AAK1: variants seen among roughly 807,000 people sequenced by gnomAD.
AAK1 encodes AP2-associated protein kinase 1.
AAK1 carries 37 observed loss-of-function variants against 116.0 expected under a neutral mutation model. The ratio of observed to expected loss-of-function variants is 0.32; its 90% CI spans 0.25 to 0.42. The LOEUF (loss-of-function observed/expected upper bound fraction) is 0.42, where lower values mean the gene tolerates loss of function less well. Ranked by LOEUF, AAK1 falls within the 10% of genes least tolerant of loss-of-function variation. The pLI, the probability that AAK1 is intolerant of heterozygous loss-of-function variation, is 1.00. For missense variants in AAK1, 919 were observed against 1,170.6 expected, an observed-to-expected ratio of 0.79 and a Z score of 3.14; for synonymous variants, 458 against 439.9, an observed-to-expected ratio of 1.04 and a Z score of -0.51.
At chr2:69,484,204 T>C (rs1248977292) in intron 17 of AAK1, among the ~76,000 whole-genome samples, 1 of 152,236 alleles carries the variant, frequency 6.6e-6, no homozygotes, top group Non-Finnish European at 1.5e-5. Flanking sequence ...TAAATCTGTA[T>C]TCTTCTAGGC....
chr2:69,509,497 T>C (rs751374891), intron 13 of AAK1, 37 bp from the exon 14 acceptor site: 5 of 1,389,036 alleles, frequency 3.6e-6, no homozygotes, highest in Non-Finnish European at 2.9e-6. Flanking sequence ...TTCATTAAAT[T>C]AAAAAAAAAA....
At chr2:69,495,936 G>A (rs1162711067) in intron 17 of AAK1, 49 bp downstream of exon 17, 22 of 1,465,488 alleles carry the variant, frequency 1.5e-5, no homozygotes, top group Non-Finnish European at 2.0e-5. Context: ...ACAAGGCCTG[G>A]GACATGCAAA....
Position 69,469,522 on chromosome 2 carries a change from G to A in AAK1, c.*6347C>T. 1.0e-6 allele frequency: 1 copy of A among 985,396 alleles called. No individual in the cohort carries two copies. The highest frequency in any genetic ancestry group is 1.2e-6 in the Non-Finnish European group (1 of 829,928). The allele number at this position is 985,396 out of a possible 1,614,324, so 61.0% of individuals were successfully genotyped here. Reference sequence around the variant, plus strand: ...AGCAGTCTCTTTACTAGCATTGAAGGATTTATACTAACCTAACCACATGCC... The same window carrying A: ...AGCAGTCTCTTTACTAGCATTGAAGAATTTATACTAACCTAACCACATGCC... On this transcript the variant is annotated 3_prime_UTR_variant, in exon 22 of 22. Coordinates refer to ENST00000409085, the MANE Select transcript of AAK1 (RefSeq NM_014911.5).
intron 2 of AAK1, among the ~76,000 whole-genome samples, chr2:69,638,556 C>T (rs1675551831): frequency 6.6e-6 from 1 of 152,214 alleles, no homozygotes; most frequent in South Asian, 2.1e-4. Flanking sequence ...TAAAGAATTT[C>T]ATTCTACCAC....
intron 2 of AAK1, among the ~76,000 whole-genome samples, chr2:69,624,974 T>C (rs1014925943): frequency 6.6e-6 from 1 of 152,234 alleles, no homozygotes; most frequent in Admixed American, 6.5e-5. Context: ...GTTAAGTCCC[T>C]GAGCATTGCT....
intron 2 of AAK1, among the ~76,000 whole-genome samples, chr2:69,620,975 T>A (rs1426373554): frequency 6.6e-6 from 1 of 152,228 alleles, no homozygotes; most frequent in East Asian, 1.9e-4. Context: ...TGAAATAAAA[T>A]TTTTAAAAAG....
At chr2:69,595,342 A>C (rs938394793) in intron 2 of AAK1, among the ~76,000 whole-genome samples, 4 of 152,142 alleles carry the variant, frequency 2.6e-5, no homozygotes, top group African/African-American at 9.7e-5. Flanking sequence ...TCTCGAACTC[A>C]TGACCTCAAG....
chr2:69,560,271 C>T (rs1177926125), intron 2 of AAK1, among the ~76,000 whole-genome samples: 2 of 152,210 alleles, frequency 1.3e-5, no homozygotes, highest in Non-Finnish European at 2.9e-5. Flanking sequence ...TTCTCGTGCA[C>T]AGCCCTGTCT....
chr2:69,595,556 T>A (rs763162992), intron 2 of AAK1, among the ~76,000 whole-genome samples: 1 of 152,210 alleles, frequency 6.6e-6, no homozygotes, highest in African/African-American at 2.4e-5. Flanking sequence ...CTCAATTCTA[T>A]GAAGGCTGGG....
intron 3 of AAK1, among the ~76,000 whole-genome samples, chr2:69,546,882 CA>C (rs1330881023): frequency 1.3e-5 from 2 of 152,080 alleles, no homozygotes; most frequent in Non-Finnish European, 2.9e-5. Flanking sequence ...CTTGCTCCAG[CA>C]CATAAATCAA....
intron 2 of AAK1, among the ~76,000 whole-genome samples, chr2:69,639,769 C>G (rs1675619716): frequency 6.6e-6 from 1 of 152,160 alleles, no homozygotes; most frequent in Non-Finnish European, 1.5e-5. Context: ...TCTGGGCACA[C>G]AGGGTACAAC....
intron 3 of AAK1, among the ~76,000 whole-genome samples, chr2:69,548,401 C>T (rs10166082): frequency 0.037 from 5,657 of 152,230 alleles, 368 homozygotes; most frequent in African/African-American, 0.13. Context: ...CTACAGCCTT[C>T]TGACAAGCTT....
rs187135693 is a variant in AAK1 at position 69,609,942 on chromosome 2, C to T, written c.163+32936G>A. Among the ~76,000 whole-genome samples, 822 of 148,586 alleles carry T rather than the reference C, an allele frequency of 5.5e-3. 9 individuals are homozygous for T. The highest frequency in any genetic ancestry group is 0.019 in the African/African-American group (776 of 39,848). On this transcript the variant is annotated intron_variant, in intron 2 of 21. Transcript: ENST00000409085. Reference sequence around the variant, plus strand: ...GCGGGCACCTGTAGTCCCAGCTACTCGGGAGGCTGAGGCAAGAGAATGGCG... The same window carrying T: ...GCGGGCACCTGTAGTCCCAGCTACTTGGGAGGCTGAGGCAAGAGAATGGCG...
At chr2:69,575,531 G>T (rs892464230) in intron 2 of AAK1, among the ~76,000 whole-genome samples, 9 of 147,424 alleles carry the variant, frequency 6.1e-5, no homozygotes, top group African/African-American at 2.3e-4. Flanking sequence ...GTGCAATGGC[G>T]CAATCTCGGC....
In AAK1 at chr2:69,643,237, CCCT is replaced by C. The variant is rs968668520; in HGVS notation, c.-200_-198del. On this transcript the variant is annotated 5_prime_UTR_variant, in exon 2 of 22. Coordinates refer to ENST00000409085, the MANE Select transcript of AAK1 (RefSeq NM_014911.5). ...ATGCGTGTCAATCGCGCAGCGGGTC[CCCT>C]CCTCCTCCAGAAAGCGATTCGTGTA... is the stretch of plus-strand genomic sequence containing the variant. 260 of 1,408,286 alleles carry C rather than the reference CCCT, an allele frequency of 1.8e-4. No homozygotes were observed. The highest frequency in any genetic ancestry group is 2.3e-4 in the Non-Finnish European group (248 of 1,088,732). The allele number at this position is 1,408,286 out of a possible 1,614,324, so 87.2% of individuals were successfully genotyped here.
At chr2:69,492,344 C>A (rs1356922685) in intron 17 of AAK1, among the ~76,000 whole-genome samples, 1 of 151,104 alleles carries the variant, frequency 6.6e-6, no homozygotes, top group Non-Finnish European at 1.5e-5. Context: ...CTCCTGAGTG[C>A]CTGGGATTAT....
In AAK1 at chr2:69,465,124, C is replaced by T. The variant is rs73934946; in HGVS notation, c.*10745G>A. ...ATTTAAACAGTTTCTGTGGGTGGGG[C>T]GGGGGGAAAGCAGAGTTCTTGGTGG... is the stretch of plus-strand genomic sequence containing the variant. On this transcript the variant is annotated 3_prime_UTR_variant, in exon 22 of 22. Transcript: ENST00000409085. The T allele has an allele frequency of 0.017, 3,722 of 212,722 alleles. 160 individuals carry two copies. Among genetic ancestry groups the T allele is most frequent in the African/African-American group, 0.082 (3,370 of 41,182 alleles). The allele number at this position is 212,722 out of a possible 1,614,324, so 13.2% of individuals were successfully genotyped here. A position where few individuals can be genotyped will look rare whatever the true frequency, so the allele number is the denominator to read the frequency against.
chr2:69,486,742 G>A (rs149779510), intron 17 of AAK1, among the ~76,000 whole-genome samples: 3 of 152,264 alleles, frequency 2.0e-5, no homozygotes, highest in Non-Finnish European at 4.4e-5. Context: ...CAGTTTAAAA[G>A]AATGAAGATC....
rs994544469 is a variant in AAK1 at position 69,461,656 on chromosome 2, A to T, written c.*14213T>A. On this transcript the variant is annotated 3_prime_UTR_variant, in exon 22 of 22. Coordinates refer to ENST00000409085, the MANE Select transcript of AAK1 (RefSeq NM_014911.5). ...CTCGCCCAGGCTGGAGTGCAATGACACAATCTTGGCTCACTGCAAAGTCTG... is the reference window on the plus strand; with the variant it reads ...CTCGCCCAGGCTGGAGTGCAATGACTCAATCTTGGCTCACTGCAAAGTCTG... 3 of 431,500 alleles carry T rather than the reference A, an allele frequency of 7.0e-6. No homozygotes were observed. The highest frequency in any genetic ancestry group is 1.4e-5 in the Non-Finnish European group (3 of 218,830). The allele number at this position is 431,500 out of a possible 1,614,324, so 26.7% of individuals were successfully genotyped here.
Sources: allele counts gnomAD v4.1 joint callset (sites outside exome capture counted in the v4.1 genomes callset), GRCh38; gene constraint gnomAD v4.1.1; transcripts MANE v1.5; gene names NCBI Gene and HGNC (gene_info 2026-07-23, HGNC 2026-07-21).